Variants in TMEM108 observed in about 807,000 individuals in gnomAD.
The protein encoded by TMEM108 is cancer/testis antigen 124.
TMEM108 carries 12 observed loss-of-function variants against 35.1 expected under a neutral mutation model. That is an observed-to-expected ratio of 0.34 (90% CI 0.22 to 0.55). The LOEUF (loss-of-function observed/expected upper bound fraction) is 0.55. Among genes scored for constraint, TMEM108 ranks in the 20% least tolerant of loss-of-function variants. The pLI is 0.89. For synonymous variants in TMEM108, 287 were observed against 308.6 expected, an observed-to-expected ratio of 0.93 and a Z score of 0.73; for missense variants, 680 against 753.3, an observed-to-expected ratio of 0.90 and a Z score of 1.14.
At chr3:133,316,811 G>A (rs2071205059) in intron 3 of TMEM108, among the ~76,000 whole-genome samples, 1 of 152,210 alleles carries the variant, frequency 6.6e-6, no homozygotes, top group South Asian at 2.1e-4. Context: ...CTCAGGGTGA[G>A]CTGAAGAACA....
intron 3 of TMEM108, among the ~76,000 whole-genome samples, chr3:133,291,456 T>G (rs1004758996): frequency 5.9e-5 from 9 of 152,118 alleles, no homozygotes; most frequent in African/African-American, 2.2e-4. Flanking sequence ...AATTTTATTT[T>G]TTGTAGAGAC....
At chr3:133,320,415 A>G (rs960067578) in intron 3 of TMEM108, among the ~76,000 whole-genome samples, 2 of 152,172 alleles carry the variant, frequency 1.3e-5, no homozygotes, top group African/African-American at 4.8e-5. Context: ...AGTAGAATCA[A>G]ACAAGTAGAA....
chr3:133,220,060 A>G (rs1945966329), intron 2 of TMEM108, among the ~76,000 whole-genome samples: 1 of 148,876 alleles, frequency 6.7e-6, no homozygotes, highest in African/African-American at 2.5e-5. Context: ...ATCCTTATAT[A>G]ATGATGTTTT....
Position 133,388,669 on chromosome 3 carries a change from A to G in TMEM108, c.1451-1511A>G. 3.0e-6 allele frequency: 3 copies of G among 985,470 alleles called. No homozygotes were observed. The South Asian group carries it at 1.4e-4, about 46-fold the overall frequency. The allele number at this position is 985,470 out of a possible 1,614,324, so 61.0% of individuals were successfully genotyped here. On this transcript the variant is annotated intron_variant, in intron 4 of 5. Coordinates refer to ENST00000321871, the MANE Select transcript of TMEM108 (RefSeq NM_023943.4). The stretch of plus-strand genomic sequence containing the variant: ...TTGATCAAAGCAGATAAGATAAAGT[A>G]GAAACTTACCCTATCTCCTAACCTT...
At chr3:133,292,514 A>G (rs1242691701) in intron 3 of TMEM108, among the ~76,000 whole-genome samples, 1 of 152,196 alleles carries the variant, frequency 6.6e-6, no homozygotes, top group Non-Finnish European at 1.5e-5. Context: ...CATAAGAGAA[A>G]TAAACAACAT....
At chr3:133,156,220 T>C (rs895801665) in intron 2 of TMEM108, among the ~76,000 whole-genome samples, 1 of 152,150 alleles carries the variant, frequency 6.6e-6, no homozygotes, top group African/African-American at 2.4e-5. Flanking sequence ...GTAGGTGTTT[T>C]ACAAATCAAC....
intron 2 of TMEM108, among the ~76,000 whole-genome samples, chr3:133,200,269 C>T (rs994557496): frequency 1.3e-5 from 2 of 152,166 alleles, no homozygotes; most frequent in Non-Finnish European, 2.9e-5. Flanking sequence ...GCTGCACCCA[C>T]TCTCCTGCAC....
intron 4 of TMEM108, chr3:133,389,140 G>A (rs1184361021): frequency 3.0e-6 from 3 of 985,682 alleles, no homozygotes; most frequent in Non-Finnish European, 3.6e-6. Context: ...CTTCTGCAGT[G>A]TGAATCTGGA....
chr3:133,096,264 TCCTCCCACTTCAG>T, intron 2 of TMEM108, among the ~76,000 whole-genome samples: 1 of 152,214 alleles, frequency 6.6e-6, no homozygotes, highest in East Asian at 1.9e-4. Flanking sequence ...GTGCAAATGA[TCCTCCCACTTCAG>T]CCTCCCAAGT....
intron 2 of TMEM108, among the ~76,000 whole-genome samples, chr3:133,126,499 GT>G (rs1231168311): frequency 1.3e-5 from 2 of 151,324 alleles, no homozygotes; most frequent in African/African-American, 4.9e-5. Flanking sequence ...AAAGAAAGTG[GT>G]GGTCTTATCT....
chr3:133,204,572 C>CAGG (rs1945722688), intron 2 of TMEM108, among the ~76,000 whole-genome samples: 1 of 152,200 alleles, frequency 6.6e-6, no homozygotes, highest in Admixed American at 6.5e-5. Flanking sequence ...AGTAGTCATT[C>CAGG]AGGAGCAGGT....
intron 3 of TMEM108, among the ~76,000 whole-genome samples, chr3:133,335,530 T>C (rs529945525): frequency 2.0e-5 from 3 of 152,294 alleles, no homozygotes; most frequent in Admixed American, 2.0e-4. Flanking sequence ...AAAAGTGGGA[T>C]AAAATATAAT....
At chr3:133,144,674 G>A (rs1944690629) in intron 2 of TMEM108, among the ~76,000 whole-genome samples, 1 of 152,186 alleles carries the variant, frequency 6.6e-6, no homozygotes, top group South Asian at 2.1e-4. Context: ...ACTGGTGTAA[G>A]ATGGTATCTC....
intron 2 of TMEM108, among the ~76,000 whole-genome samples, chr3:133,188,196 A>C (rs1407299696): frequency 6.6e-6 from 1 of 152,154 alleles, no homozygotes; most frequent in Non-Finnish European, 1.5e-5. Context: ...TTTCTTGGAA[A>C]CCTTTCCCAT....
intron 2 of TMEM108, among the ~76,000 whole-genome samples, chr3:133,051,668 C>A (rs1050129007): frequency 3.9e-5 from 6 of 152,020 alleles, no homozygotes; most frequent in Admixed American, 1.3e-4. Context: ...GGCCTGTGAT[C>A]CATTTTGAGT....
At chr3:133,095,930 C>T (rs1329604627) in intron 2 of TMEM108, among the ~76,000 whole-genome samples, 1 of 152,180 alleles carries the variant, frequency 6.6e-6, no homozygotes, top group East Asian at 1.9e-4. Flanking sequence ...GCAAAGTTGA[C>T]AGCTGCCATC....
At chr3:133,369,764 C>T (rs2072603798) in intron 3 of TMEM108, among the ~76,000 whole-genome samples, 1 of 152,118 alleles carries the variant, frequency 6.6e-6, no homozygotes, top group Non-Finnish European at 1.5e-5. Flanking sequence ...GGCATTAAGG[C>T]AGGGAGCATC....
chr3:133,358,187 T>C (rs981348302), intron 3 of TMEM108, among the ~76,000 whole-genome samples: 2 of 151,798 alleles, frequency 1.3e-5, no homozygotes, highest in Non-Finnish European at 2.9e-5. Flanking sequence ...TTTTTTTCCT[T>C]TTGAGATGAA....
intron 3 of TMEM108, among the ~76,000 whole-genome samples, chr3:133,311,112 C>G (rs2071122876): frequency 6.6e-6 from 1 of 152,164 alleles, no homozygotes; most frequent in Admixed American, 6.5e-5. Context: ...TGATGGGCTT[C>G]CCTTTGTGGG....
Sources: gnomAD v4.1 joint callset for allele counts (sites outside exome capture counted in the v4.1 genomes callset) on GRCh38, gnomAD v4.1.1 for gene constraint, MANE v1.5 for transcripts, NCBI Gene and HGNC (gene_info 2026-07-23, HGNC 2026-07-21) for gene names.